The following MARK2 variants were observed in gnomAD, a reference collection of about 807,000 sequenced individuals.
The protein encoded by MARK2 is serine/threonine-protein kinase MARK2.
Under a neutral mutation model 89.8 loss-of-function variants are expected in MARK2, and 16 were observed. That is an observed-to-expected ratio of 0.18 (90% CI 0.12 to 0.27). The LOEUF (loss-of-function observed/expected upper bound fraction) is 0.27, where lower values mean the gene tolerates loss of function less well. MARK2 is among the 10% of genes least tolerant of loss of function. The pLI is 1.00. For synonymous variants in MARK2, 382 were observed against 399.5 expected (o/e 0.96, Z 0.52); for missense variants, 621 against 1,049.9 (o/e 0.59, Z 5.65).
intron 1 of MARK2, among the ~76,000 whole-genome samples, chr11:63,881,221 C>T (rs1405224377): frequency 6.6e-6 from 1 of 152,018 alleles, no homozygotes; most frequent in African/African-American, 2.4e-5. Flanking sequence ...AGGAGAATCG[C>T]TTGAACTCGG....
intron 1 of MARK2, among the ~76,000 whole-genome samples, chr11:63,863,665 T>C (rs1937950762): frequency 6.6e-6 from 1 of 151,924 alleles, no homozygotes. Context: ...GGTTTCACCA[T>C]GTGGGCCAGG....
intron 1 of MARK2, among the ~76,000 whole-genome samples, chr11:63,863,520 A>G (rs1937941469): frequency 7.5e-6 from 1 of 134,044 alleles, no homozygotes; most frequent in Non-Finnish European, 1.5e-5. Context: ...GCTGGAGTGC[A>G]GTGGCGCAAT....
intron 3 of MARK2, 72 bp from the exon 4 acceptor site, chr11:63,898,160 G>T (rs1234620660): frequency 7.4e-7 from 1 of 1,347,818 alleles, no homozygotes; most frequent in Non-Finnish European, 1.1e-6. Context: ...AACAAATCCT[G>T]GCAGGGACTG....
chr11:63,883,896 C>T (rs1160940191), intron 1 of MARK2, among the ~76,000 whole-genome samples: 1 of 152,164 alleles, frequency 6.6e-6, no homozygotes, highest in African/African-American at 2.4e-5. Context: ...CAGATTTTCT[C>T]ATTTAATCTT....
At chr11:63,854,121 C>T (rs2016714487) in intron 1 of MARK2, among the ~76,000 whole-genome samples, 1 of 151,864 alleles carries the variant, frequency 6.6e-6, no homozygotes, top group South Asian at 2.1e-4. Context: ...GATCCACCTG[C>T]CTCGGCCTCC....
chr11:63,860,563 A>G (rs1391366897), intron 1 of MARK2, among the ~76,000 whole-genome samples: 1 of 145,204 alleles, frequency 6.9e-6, no homozygotes, highest in Non-Finnish European at 1.5e-5. Context: ...AAAAAAAATA[A>G]ATAGAAATAA....
chr11:63,868,805 GATC>G (rs1223706175), intron 1 of MARK2: 1 of 456,098 alleles, frequency 2.2e-6, no homozygotes, highest in Non-Finnish European at 4.4e-6. Context: ...GCGTTGGAGA[GATC>G]ATGTGGTCTG....
intron 1 of MARK2, among the ~76,000 whole-genome samples, chr11:63,856,330 T>TG (rs2016844248): frequency 2.0e-5 from 3 of 150,020 alleles, no homozygotes; most frequent in African/African-American, 7.3e-5. Flanking sequence ...TGTTTTTTTT[T>TG]TTTTTTTAAA....
chr11:63,856,272 T>G (rs1345008862), intron 1 of MARK2, among the ~76,000 whole-genome samples: 2 of 151,154 alleles, frequency 1.3e-5, no homozygotes, highest in African/African-American at 4.8e-5. Flanking sequence ...GATAACTGAT[T>G]TCCTCCTTCT....
chr11:63,890,365 G>C (rs1047798876), intron 1 of MARK2: 39 of 981,928 alleles, frequency 4.0e-5, no homozygotes, highest in Non-Finnish European at 4.7e-5. Flanking sequence ...AAGGGGGTTG[G>C]TGACTTTGGA....
intron 1 of MARK2, among the ~76,000 whole-genome samples, chr11:63,848,000 A>G (rs111324019): frequency 1.3e-5 from 2 of 152,310 alleles, no homozygotes; most frequent in African/African-American, 4.8e-5. Flanking sequence ...GAGAGAAAAA[A>G]TAGTTTTTGC....
chr11:63,849,807 A>C (rs1233889723), intron 1 of MARK2, among the ~76,000 whole-genome samples: 1 of 152,180 alleles, frequency 6.6e-6, no homozygotes, highest in Non-Finnish European at 1.5e-5. Flanking sequence ...GGAATCCTGG[A>C]TCATCCTCTC....
At chr11:63,853,719 A>T (rs1434776602) in intron 1 of MARK2, among the ~76,000 whole-genome samples, 1 of 152,232 alleles carries the variant, frequency 6.6e-6, no homozygotes, top group Non-Finnish European at 1.5e-5. Flanking sequence ...AGTGGCACTA[A>T]GCTCTACTAG....
intron 1 of MARK2, among the ~76,000 whole-genome samples, chr11:63,880,532 G>A (rs1432960353): frequency 1.3e-5 from 2 of 152,146 alleles, no homozygotes; most frequent in Non-Finnish European, 2.9e-5. Flanking sequence ...AGAATGGCTC[G>A]AGTTGCATTC....
Position 63,839,251 on chromosome 11 carries a change from G to A in MARK2, c.-256G>A. 3.9e-6 allele frequency: 1 copy of A among 256,974 alleles called. No individual in the cohort carries two copies. The highest frequency in any genetic ancestry group is 8.1e-5 in the East Asian group (1 of 12,380). 15.9% of individuals were successfully genotyped at this position (256,974 alleles called of 1,614,324 possible). Reference sequence around the variant, plus strand: ...GGCAGAGAGTAGGCGGAGCGGCGCGGCCCGGCCGAAAGGCGGCACAGCCCA... The same window carrying A: ...GGCAGAGAGTAGGCGGAGCGGCGCGACCCGGCCGAAAGGCGGCACAGCCCA... On this transcript the variant is annotated 5_prime_UTR_variant, in exon 1 of 19. Coordinates refer to ENST00000402010, the MANE Select transcript of MARK2 (RefSeq NM_001039469.3).
At position 63,904,729 on chromosome 11, in the gene MARK2, G is replaced by C. The variant is rs934504761; in HGVS notation, c.1677-57G>C. 4 of 1,557,682 alleles carry C rather than the reference G, an allele frequency of 2.6e-6. No individual in the cohort carries two copies. Among genetic ancestry groups the C allele is most frequent in the Non-Finnish European group, 3.5e-6 (4 of 1,135,516 alleles). Reference sequence around the variant, plus strand: ...CCACCACAGGGTGTCCAGGTGCCCAGTGATGGCTGTCCTGTACCCTAATTC... The same window carrying C: ...CCACCACAGGGTGTCCAGGTGCCCACTGATGGCTGTCCTGTACCCTAATTC... On this transcript the variant is annotated intron_variant, in intron 15 of 18. Coordinates refer to ENST00000402010, the MANE Select transcript of MARK2 (RefSeq NM_001039469.3). This position sits in a 1 kb window ranked among gnomAD's most constrained non-coding sequence, Gnocchi z 6.3.
intron 2 of MARK2, 43 bp from the exon 3 acceptor site, chr11:63,895,537 C>A: frequency 6.3e-7 from 1 of 1,585,408 alleles, no homozygotes; most frequent in Non-Finnish European, 8.7e-7. Context: ...CTGGGTTTCG[C>A]TGGTCAGAGA....
At chr11:63,879,121 A>G (rs1406521572) in intron 1 of MARK2, among the ~76,000 whole-genome samples, 2 of 152,050 alleles carry the variant, frequency 1.3e-5, no homozygotes, top group Non-Finnish European at 2.9e-5. Context: ...CCTGGCCAAC[A>G]TGGTAAAACC....
Position 63,839,429 on chromosome 11 carries a change from C to T in MARK2, c.-78C>T, listed in dbSNP as rs1460222187. 4 of 895,824 alleles carry T rather than the reference C, an allele frequency of 4.5e-6. No individual in the cohort carries two copies. The highest frequency in any genetic ancestry group is 2.7e-4 in the Middle Eastern group (1 of 3,740). The allele number at this position is 895,824 out of a possible 1,614,324, so 55.5% of individuals were successfully genotyped here. A position where few individuals can be genotyped will look rare whatever the true frequency, so the allele number is the denominator to read the frequency against. ...CGGGTGCTCCTGCTGTGAGAAGCCC[C>T]GCCCGGCCGGGCTCCGCGCCTTCCC... is the stretch of plus-strand genomic sequence containing the variant. On this transcript the variant is annotated 5_prime_UTR_variant, in exon 1 of 19. Coordinates refer to ENST00000402010, the MANE Select transcript of MARK2 (RefSeq NM_001039469.3).
Sources: allele counts gnomAD v4.1 joint callset (sites outside exome capture counted in the v4.1 genomes callset), GRCh38; gene constraint gnomAD v4.1.1; non-coding constraint Gnocchi (gnomAD v3.1); transcripts MANE v1.5; gene names NCBI Gene and HGNC (gene_info 2026-07-23, HGNC 2026-07-21).